RBM6: variants seen among roughly 807,000 people sequenced by gnomAD.
RBM6 encodes RNA binding motif protein 6.
Under a neutral mutation model 140.4 loss-of-function variants are expected in RBM6, and 23 were observed. That is an observed-to-expected ratio of 0.16 (90% CI 0.12 to 0.23). The LOEUF (loss-of-function observed/expected upper bound fraction) is 0.23. Among genes scored for constraint, RBM6 ranks in the 10% least tolerant of loss-of-function variants. RBM6 has a pLI of 1.00. For missense variants in RBM6, 1,139 were observed against 1,386.7 expected, an observed-to-expected ratio of 0.82 and a Z score of 2.84; for synonymous variants, 439 against 475.6, an observed-to-expected ratio of 0.92 and a Z score of 1.00.
intron 1 of RBM6, among the ~76,000 whole-genome samples, chr3:49,955,167 T>TC (rs2083922240): frequency 1.8e-5 from 2 of 111,118 alleles, no homozygotes; most frequent in African/African-American, 7.2e-5. Flanking sequence ...TTTCTTTTTT[T>TC]TTTTTTTTTT....
In RBM6 at chr3:50,022,549, C is replaced by T. The variant is rs141100806; in HGVS notation, c.1557+23036C>T. On this transcript the variant is annotated intron_variant, in intron 6 of 20. Transcript: ENST00000266022. Reference sequence around the variant, plus strand: ...TTCTCCATGTTGGTCAGGCTGGTCGCGAACTCCCGATCTTAGGTGATCTGC... The same window carrying T: ...TTCTCCATGTTGGTCAGGCTGGTCGTGAACTCCCGATCTTAGGTGATCTGC... 7.2e-3 allele frequency among the ~76,000 whole-genome samples: 1,089 copies of T among 152,168 alleles called. 15 individuals are homozygous for T. The highest frequency in any genetic ancestry group is 0.025 in the African/African-American group (1,038 of 41,530).
chr3:50,043,066 A>T (rs879629394), intron 6 of RBM6, among the ~76,000 whole-genome samples: 1 of 152,168 alleles, frequency 6.6e-6, no homozygotes, highest in African/African-American at 2.4e-5. Flanking sequence ...AGTAATATCC[A>T]TGTGTGACTT....
At chr3:49,946,775 T>C (rs1429309135) in intron 1 of RBM6, among the ~76,000 whole-genome samples, 2 of 151,642 alleles carry the variant, frequency 1.3e-5, no homozygotes, top group Non-Finnish European at 2.9e-5. Context: ...CCTCAAGTGA[T>C]CTGTCCACCT....
intron 8 of RBM6, among the ~76,000 whole-genome samples, chr3:50,054,877 G>C (rs1404451687): frequency 6.6e-6 from 1 of 152,122 alleles, no homozygotes; most frequent in African/African-American, 2.4e-5. Context: ...AGGCTGGAGT[G>C]CAGTGGCGCA....
In RBM6 at chr3:50,070,459, A is replaced by G. The variant is rs746734345; in HGVS notation, c.3023A>G (p.Lys1008Arg). The G allele has an allele frequency of 3.7e-6, 6 of 1,613,394 alleles. No individual in the cohort carries two copies. In the African/African-American group the frequency reaches 8.0e-5, roughly 22 times the overall value. Residue 1008 changes from lysine (K) to arginine (R), a missense_variant, in exon 19 of 21, where the codon AAG (lysine) becomes AGG (arginine). By Grantham distance (26) the Lys-to-Arg change is conservative. This residue lies in a region of RBM6 where 40 missense variants were observed against 80.1 expected (regional missense o/e 0.50). Transcript: ENST00000266022. Reference sequence around the variant, plus strand: ...TGCTCTTCTGCTTACCAACAGGGAAAGTTTAAAGGAAGAGGAAATGATCGC... The same window carrying G: ...TGCTCTTCTGCTTACCAACAGGGAAGGTTTAAAGGAAGAGGAAATGATCGC... ...AYLERREREG[K>R]FKGRGNDRRE...
Position 50,062,061 on chromosome 3 carries a change from A to G in RBM6, c.2539A>G (p.Met847Val), listed in dbSNP as rs1344363270. 1 of 1,614,018 alleles carries G rather than the reference A, an allele frequency of 6.2e-7. No homozygotes were observed. Among genetic ancestry groups the G allele is most frequent in the Admixed American group, 1.7e-5 (1 of 60,002 alleles). ...AGGAAAGTCAAGTAGCAAGAAGGAA[A>G]TGTCTAAAAGAGATGGCAAGGAGAA... is the stretch of plus-strand genomic sequence containing the variant. The part of the protein sequence containing the change: ...SQGKSSSKKE[M>V]SKRDGKEKKD... The change falls in exon 15 of 21, where the codon ATG (methionine) becomes GTG (valine). Residue 847 changes from methionine (M) to valine (V), a missense_variant. This residue lies in a region of RBM6 where 163 missense variants were observed against 182.8 expected (regional missense o/e 0.89). Transcript: ENST00000266022.
chr3:49,967,738 T>A lies in RBM6; in HGVS notation c.313T>A (p.Phe105Ile). 6.2e-7 allele frequency: 1 copy of A among 1,614,094 alleles called. No homozygotes were observed. Among genetic ancestry groups the A allele is most frequent in the Non-Finnish European group, 8.5e-7 (1 of 1,180,020 alleles). The change falls in exon 3 of 21, where the codon TTC (phenylalanine) becomes ATC (isoleucine). Residue 105 changes from phenylalanine to isoleucine, a missense_variant. By Grantham distance (21) the Phe-to-Ile change is conservative. Transcript: ENST00000266022. This position sits in a 1 kb window ranked among gnomAD's most constrained non-coding sequence, Gnocchi z 4.0. ...GGGGGGAGATTTTTCGTCTTCTGATTTCCAGAGCAGAGATTCATCACAGTT... is the reference window on the plus strand; with the variant it reads ...GGGGGGAGATTTTTCGTCTTCTGATATCCAGAGCAGAGATTCATCACAGTT... ...FRGGDFSSSD[F>I]QSRDSSQLDF...
intron 6 of RBM6, among the ~76,000 whole-genome samples, chr3:50,042,786 T>C (rs1438745592): frequency 6.6e-6 from 1 of 152,134 alleles, no homozygotes; most frequent in Non-Finnish European, 1.5e-5. Context: ...TGATTGGTTT[T>C]GAGCCAACGG....
At chr3:50,022,579 T>C (rs1489316388) in intron 6 of RBM6, among the ~76,000 whole-genome samples, 4 of 152,240 alleles carry the variant, frequency 2.6e-5, no homozygotes, top group African/African-American at 7.2e-5. Context: ...ATCTGCCTAC[T>C]TTGGCCTCCC....
intron 6 of RBM6, among the ~76,000 whole-genome samples, chr3:50,043,938 C>T (rs551935815): frequency 6.7e-6 from 1 of 148,276 alleles, no homozygotes; most frequent in African/African-American, 2.5e-5. Context: ...GGCTGGAGTG[C>T]AGTGGCGTGA....
At chr3:50,013,718 A>G (rs772995840) in intron 6 of RBM6, among the ~76,000 whole-genome samples, 1 of 152,184 alleles carries the variant, frequency 6.6e-6, no homozygotes, top group Non-Finnish European at 1.5e-5. Context: ...ATACAAAAAG[A>G]GGAGGGACTA....
chr3:50,059,771 T>TCACAAG, intron 11 of RBM6, 25 bp downstream of exon 11: 5 of 1,529,154 alleles, frequency 3.3e-6, no homozygotes, highest in Non-Finnish European at 4.5e-6. Context: ...TGAGGATCTC[T>TCACAAG]TGTGCTGCCC....
chr3:50,039,146 A>T (rs2088719447), intron 6 of RBM6, among the ~76,000 whole-genome samples: 1 of 152,212 alleles, frequency 6.6e-6, no homozygotes, highest in Non-Finnish European at 1.5e-5. Flanking sequence ...TTCTGAAGGG[A>T]ATTCTGAGAA....
At chr3:50,062,593 A>G (rs1031535078) in intron 15 of RBM6, among the ~76,000 whole-genome samples, 2 of 152,094 alleles carry the variant, frequency 1.3e-5, no homozygotes, top group Non-Finnish European at 2.9e-5. Context: ...TCTTTTACAA[A>G]TGGGAAAACT....
At chr3:50,065,399 A>C (rs2090089916) in intron 16 of RBM6, among the ~76,000 whole-genome samples, 1 of 152,114 alleles carries the variant, frequency 6.6e-6, no homozygotes, top group Non-Finnish European at 1.5e-5. Flanking sequence ...AGCCCTTTTT[A>C]TCATCTTGTT....
chr3:50,007,052 A>G (rs2086615406), intron 6 of RBM6, among the ~76,000 whole-genome samples: 1 of 151,948 alleles, frequency 6.6e-6, no homozygotes, highest in Non-Finnish European at 1.5e-5. Flanking sequence ...GTCTTGGCTT[A>G]ATGGAGTATA....
chr3:50,040,868 C>T (rs927382047), intron 6 of RBM6, among the ~76,000 whole-genome samples: 1 of 151,982 alleles, frequency 6.6e-6, no homozygotes, highest in East Asian at 1.9e-4. Flanking sequence ...TGGTCTCGAA[C>T]TCCTGAGCTC....
Position 49,968,147 on chromosome 3 carries a change from G to C in RBM6, c.722G>C (p.Gly241Ala), listed in dbSNP as rs1479244726. 1 of 1,614,146 alleles carries C rather than the reference G, an allele frequency of 6.2e-7. No homozygotes were observed. Among genetic ancestry groups the C allele is most frequent in the Non-Finnish European group, 8.5e-7 (1 of 1,180,036 alleles). Residue 241 changes from glycine (G) to alanine (A), a missense_variant, in exon 3 of 21, where the codon GGT (glycine) becomes GCT (alanine). Gly to Ala is a moderately conservative substitution (Grantham distance 60, BLOSUM62 0). This residue lies in a region of RBM6 where 566 missense variants were observed against 612.7 expected (regional missense o/e 0.92). Coordinates refer to ENST00000266022, the MANE Select transcript of RBM6 (RefSeq NM_005777.3). ...TQVDFRGRGS[G>A]TTDLDFRDRD... ...GTAGACTTTAGAGGCCGAGGTTCAG[G>C]TACTACTGATCTAGACTTTAGGGAC...
At chr3:49,965,186 A>G (rs1258593011) in intron 2 of RBM6, among the ~76,000 whole-genome samples, 1 of 152,218 alleles carries the variant, frequency 6.6e-6, no homozygotes, top group Admixed American at 6.5e-5. Flanking sequence ...TAGAAGAGTA[A>G]GATAATCTTT....
Sources: gnomAD v4.1 joint callset for allele counts (sites outside exome capture counted in the v4.1 genomes callset) on GRCh38, gnomAD v4.1.1 for gene constraint, gnomAD v4.1.1 regional missense constraint, Gnocchi (gnomAD v3.1) non-coding constraint, MANE v1.5 for transcripts, NCBI Gene and HGNC (gene_info 2026-07-23, HGNC 2026-07-21) for gene names.